The following NALCN variants were observed in gnomAD, a reference collection of about 807,000 sequenced individuals.
NALCN encodes the protein sodium leak channel, non-selective, also known as sodium leak channel NALCN.
A neutral mutation model predicts 225.3 loss-of-function variants in NALCN; 111 were observed. That is an observed-to-expected ratio of 0.49 (90% CI 0.42 to 0.58). The LOEUF is 0.58. NALCN is among the 20% of genes least tolerant of loss of function. The pLI is 0.00. For synonymous variants in NALCN, 764 were observed against 769.0 expected (o/e 0.99, Z 0.11); for missense variants, 1,378 against 2,202.4 (o/e 0.63, Z 7.49).
At chr13:101,097,381 G>T (rs2034568345) in intron 27 of NALCN, among the ~76,000 whole-genome samples, 1 of 152,028 alleles carries the variant, frequency 6.6e-6, no homozygotes, top group East Asian at 1.9e-4. Flanking sequence ...TTTTTATGTA[G>T]AACATTATTT....
chr13:101,073,226 T>C (rs1377857119), intron 37 of NALCN, among the ~76,000 whole-genome samples: 2 of 152,110 alleles, frequency 1.3e-5, no homozygotes, highest in Non-Finnish European at 2.9e-5. Context: ...GTTGAAGACC[T>C]AGGGCCTAGC....
chr13:101,413,716 T>G (rs139433669), intron 1 of NALCN, among the ~76,000 whole-genome samples: 2,962 of 152,272 alleles, frequency 0.019, 32 homozygotes, highest in Middle Eastern at 0.041. Context: ...TTCTATCATC[T>G]CTATCAACTT....
intron 38 of NALCN, 34 bp from the exon 39 acceptor site, chr13:101,068,067 A>G (rs2032566347): frequency 8.0e-7 from 1 of 1,249,930 alleles, no homozygotes. Context: ...AAGTTAGACC[A>G]TTATGCTAAT....
At chr13:101,185,775 C>T (rs1005588406) in intron 14 of NALCN, among the ~76,000 whole-genome samples, 2 of 152,186 alleles carry the variant, frequency 1.3e-5, no homozygotes, top group African/African-American at 4.8e-5. Context: ...TTTTATTTTT[C>T]GCTGCTTGGC....
chr13:101,205,083 G>A (rs184599867), intron 13 of NALCN, among the ~76,000 whole-genome samples: 22 of 151,958 alleles, frequency 1.4e-4, no homozygotes, highest in African/African-American at 5.3e-4. Context: ...TGTGCTCTTG[G>A]GTGTTACAGG....
At chr13:101,141,042 C>T (rs1273955631) in intron 17 of NALCN, among the ~76,000 whole-genome samples, 3 of 152,186 alleles carry the variant, frequency 2.0e-5, no homozygotes, top group East Asian at 1.9e-4. Context: ...CATAATTTTT[C>T]ACGAGAAATT....
intron 11 of NALCN, among the ~76,000 whole-genome samples, chr13:101,257,215 T>TG (rs2042264947): frequency 6.6e-6 from 1 of 150,424 alleles, no homozygotes; most frequent in Non-Finnish European, 1.5e-5. Context: ...TATTGTTTTT[T>TG]TTTTTTTTTT....
At chr13:101,311,922 T>C (rs1489042319) in intron 7 of NALCN, among the ~76,000 whole-genome samples, 2 of 152,066 alleles carry the variant, frequency 1.3e-5, no homozygotes, top group Non-Finnish European at 2.9e-5. Context: ...TTGGAATAGT[T>C]TCAGAAGGAA....
At chr13:101,406,884 A>C (rs1449098594) in intron 1 of NALCN, among the ~76,000 whole-genome samples, 2 of 152,216 alleles carry the variant, frequency 1.3e-5, no homozygotes, top group Non-Finnish European at 2.9e-5. Context: ...GTGAAGAGAC[A>C]GATCTCTCCA....
At chr13:101,337,014 C>G (rs1393346261) in intron 7 of NALCN, among the ~76,000 whole-genome samples, 4 of 152,148 alleles carry the variant, frequency 2.6e-5, no homozygotes, top group Non-Finnish European at 5.9e-5. Context: ...AATTTTACAT[C>G]AAAAGTAGTA....
Position 101,104,597 on chromosome 13 carries a change from A to G in NALCN, c.2690T>C (p.Ile897Thr), listed in dbSNP as rs766717686. Reference sequence around the variant, plus strand: ...AAACATCATGGAAATGCAAGAGCAGATGGTTACGATGATCATGACCCAGTC... The same window carrying G: ...AAACATCATGGAAATGCAAGAGCAGGTGGTTACGATGATCATGACCCAGTC... ...YLDWVMIIVT[I>T]CSCISMMFES... Residue 897 changes from isoleucine to threonine, a missense_variant, in exon 24 of 44, where the codon ATC (isoleucine) becomes ACC (threonine). Physicochemically the swap from Ile to Thr is moderately conservative, Grantham distance 89. Coordinates refer to ENST00000251127, the MANE Select transcript of NALCN (RefSeq NM_052867.4). This position sits in a 1 kb window ranked among gnomAD's most constrained non-coding sequence, Gnocchi z 4.2. 6.2e-7 allele frequency: 1 copy of G among 1,614,028 alleles called. No individual in the cohort carries two copies.
intron 6 of NALCN, among the ~76,000 whole-genome samples, 168 bp downstream of exon 6, chr13:101,376,532 A>G (rs1373081209): frequency 1.3e-5 from 2 of 151,920 alleles, no homozygotes; most frequent in African/African-American, 4.8e-5. Context: ...AAAATAAAAT[A>G]AAATAAAATA....
chr13:101,237,986 C>T, intron 11 of NALCN, 64 bp from the exon 12 acceptor site: 1 of 1,468,890 alleles, frequency 6.8e-7, no homozygotes, highest in Non-Finnish European at 9.3e-7. Context: ...AATTATTTCA[C>T]ATATTTGTCA....
In NALCN at chr13:101,328,910, G is replaced by GCT. The variant is rs749732157; in HGVS notation, c.799+16354_799+16355dup. Among the ~76,000 whole-genome samples, 305 of 152,242 alleles carry GCT rather than the reference G, an allele frequency of 2.0e-3. 2 individuals are homozygous for GCT. The highest frequency in any genetic ancestry group is 3.9e-3 in the Admixed American group (60 of 15,290). ...CATCCACAGAATACTCACTATTGTA[G>GCT]CTCTACCCCATGACAGGTGAATATA... On this transcript the variant is annotated intron_variant, in intron 7 of 43. Coordinates refer to ENST00000251127, the MANE Select transcript of NALCN (RefSeq NM_052867.4).
intron 27 of NALCN, among the ~76,000 whole-genome samples, chr13:101,098,505 T>C (rs1269003208): frequency 6.6e-6 from 1 of 152,140 alleles, no homozygotes; most frequent in Non-Finnish European, 1.5e-5. Flanking sequence ...TATATCTATA[T>C]TGATCTCATG....
At chr13:101,387,824 T>G (rs1342285453) in intron 3 of NALCN, among the ~76,000 whole-genome samples, 1 of 152,156 alleles carries the variant, frequency 6.6e-6, no homozygotes, top group Non-Finnish European at 1.5e-5. Flanking sequence ...ACCTACAATA[T>G]GTACAAATTT....
intron 20 of NALCN, 75 bp downstream of exon 20, chr13:101,110,544 G>T: frequency 6.9e-7 from 1 of 1,453,864 alleles, no homozygotes; most frequent in Non-Finnish European, 9.6e-7. Flanking sequence ...AAGACACTGG[G>T]CATTGTCTAA....
chr13:101,099,890 G>A (rs2034712885), intron 27 of NALCN, among the ~76,000 whole-genome samples: 1 of 152,140 alleles, frequency 6.6e-6, no homozygotes. Flanking sequence ...GTCATTTGGA[G>A]GAGAGCTGTA....
intron 17 of NALCN, among the ~76,000 whole-genome samples, chr13:101,136,856 C>A (rs112891790): frequency 6.6e-6 from 1 of 152,158 alleles, no homozygotes; most frequent in African/African-American, 2.4e-5. Flanking sequence ...ATTTCTAGTT[C>A]TAGATCCTTG....
Sources: allele counts gnomAD v4.1 joint callset (sites outside exome capture counted in the v4.1 genomes callset), GRCh38; gene constraint gnomAD v4.1.1; non-coding constraint Gnocchi (gnomAD v3.1); transcripts MANE v1.5; gene names NCBI Gene and HGNC (gene_info 2026-07-23, HGNC 2026-07-21).